ATP2B2: variants seen among roughly 807,000 people sequenced by gnomAD.
ATP2B2 encodes plasma membrane calcium-transporting ATPase 2.
A neutral mutation model predicts 120.0 loss-of-function variants in ATP2B2; 15 were observed. That is an observed-to-expected ratio of 0.12 (90% confidence interval 0.08 to 0.19). The LOEUF is 0.19. Ranked by LOEUF, ATP2B2 falls within the 10% of genes least tolerant of loss-of-function variation. The probability of loss-of-function intolerance (pLI) is 1.00; values close to 1 mark genes in which losing one functional copy is unlikely to be tolerated. For missense variants in ATP2B2, 1,045 were observed against 1,719.8 expected, an observed-to-expected ratio of 0.61 and a Z score of 6.94; for synonymous variants, 694 against 700.3, an observed-to-expected ratio of 0.99 and a Z score of 0.14.
At chr3:10,461,299 G>A (rs911891693) in intron 1 of ATP2B2, among the ~76,000 whole-genome samples, 1 of 152,184 alleles carries the variant, frequency 6.6e-6, no homozygotes, top group Non-Finnish European at 1.5e-5. Context: ...TTCCACACTT[G>A]AGCCCTGGTT....
rs142245011 is a variant in ATP2B2 at position 10,351,721 on chromosome 3, C to T, written c.2137-1144G>A. 7.9e-4 allele frequency among the ~76,000 whole-genome samples: 121 copies of T among 152,336 alleles called. 1 individual carries two copies. Among genetic ancestry groups the T allele is most frequent in the African/African-American group, 2.9e-3 (119 of 41,576 alleles). Reference sequence around the variant, plus strand: ...GCTAAAATGAGCGCATCACGGTAAGCCCTAATCCAACAGGAATGGTGTCCT... The same window carrying T: ...GCTAAAATGAGCGCATCACGGTAAGTCCTAATCCAACAGGAATGGTGTCCT... On this transcript the variant is annotated intron_variant, in intron 14 of 22. Transcript: ENST00000360273.
intron 2 of ATP2B2, among the ~76,000 whole-genome samples, chr3:10,585,055 C>T (rs973375017): frequency 6.6e-6 from 1 of 152,138 alleles, no homozygotes; most frequent in Admixed American, 6.5e-5. Flanking sequence ...CTGCCATCAC[C>T]TCTGGTCTGG....
chr3:10,577,395 G>C (rs1251241745), intron 2 of ATP2B2, among the ~76,000 whole-genome samples: 1 of 152,210 alleles, frequency 6.6e-6, no homozygotes, highest in African/African-American at 2.4e-5. Context: ...AACTTTCCCA[G>C]TGTCACCCGG....
At chr3:10,356,754 G>A (rs2060743351) in intron 14 of ATP2B2, among the ~76,000 whole-genome samples, 1 of 152,218 alleles carries the variant, frequency 6.6e-6, no homozygotes, top group African/African-American at 2.4e-5. Context: ...ACATCACAGT[G>A]AGGCCTGAAC....
At chr3:10,527,945 G>T (rs1421033413) in intron 3 of ATP2B2, among the ~76,000 whole-genome samples, 1 of 151,778 alleles carries the variant, frequency 6.6e-6, no homozygotes, top group Non-Finnish European at 1.5e-5. Flanking sequence ...CTGAGGATCG[G>T]TGAGGAGGGA....
In ATP2B2 at chr3:10,425,705, C is replaced by A. The variant is rs370190981; in HGVS notation, c.200-14890G>T. 1.9e-4 allele frequency among the ~76,000 whole-genome samples: 29 copies of A among 152,290 alleles called. No individual in the cohort carries two copies. In the South Asian group the frequency reaches 6.0e-3, roughly 32 times the overall value. On this transcript the variant is annotated intron_variant, in intron 2 of 22. Coordinates refer to ENST00000360273, the MANE Select transcript of ATP2B2 (RefSeq NM_001001331.4). ...CTCCTGTACCTGTTACACCATCCAG[C>A]AAAATTCAAGAAAAACATCTCAGAT... is the stretch of plus-strand genomic sequence containing the variant.
At chr3:10,552,278 GA>G (rs2067686506) in intron 2 of ATP2B2, among the ~76,000 whole-genome samples, 1 of 152,264 alleles carries the variant, frequency 6.6e-6, no homozygotes, top group South Asian at 2.1e-4. Context: ...AAAAGGGGAA[GA>G]GGGGGCCCTT....
At chr3:10,704,472 T>C (rs2071867782) in intron 1 of ATP2B2, among the ~76,000 whole-genome samples, 1 of 152,212 alleles carries the variant, frequency 6.6e-6, no homozygotes, top group Non-Finnish European at 1.5e-5. Context: ...TAGCCCCCTG[T>C]TCAAAAACTG....
At chr3:10,588,243 C>T (rs2068560017) in intron 2 of ATP2B2, among the ~76,000 whole-genome samples, 2 of 152,210 alleles carry the variant, frequency 1.3e-5, no homozygotes, top group Admixed American at 6.5e-5. Context: ...AGCAGCACCT[C>T]TCTAGTCATG....
In ATP2B2 at chr3:10,554,166, C is replaced by G. The variant is rs1444172825; in HGVS notation, c.-414-20033G>C. 2.6e-5 allele frequency among the ~76,000 whole-genome samples: 4 copies of G among 152,140 alleles called. No homozygotes were observed. In the East Asian group the frequency reaches 7.7e-4, roughly 29 times the overall value. On this transcript the variant is annotated intron_variant, in intron 2 of 21. Transcript: ENST00000646379. ...ATGGCGCTTGACCCTTTGTAACCCACCTGAACACTCATCCTCTCACTTTGT... is the reference window on the plus strand; with the variant it reads ...ATGGCGCTTGACCCTTTGTAACCCAGCTGAACACTCATCCTCTCACTTTGT...
intron 22 of ATP2B2, among the ~76,000 whole-genome samples, chr3:10,333,671 G>A (rs973929340): frequency 6.6e-6 from 1 of 152,180 alleles, no homozygotes; most frequent in Non-Finnish European, 1.5e-5. Flanking sequence ...GGTCTCAGGA[G>A]GCACCCAGAA....
At chr3:10,411,718 G>A (rs556162679) in intron 2 of ATP2B2, among the ~76,000 whole-genome samples, 14 of 152,336 alleles carry the variant, frequency 9.2e-5, no homozygotes, top group African/African-American at 3.1e-4. Flanking sequence ...CTGGAACAGA[G>A]CAGCTCACCA....
At chr3:10,527,568 A>C (rs1286505689) in intron 3 of ATP2B2, among the ~76,000 whole-genome samples, 1 of 151,770 alleles carries the variant, frequency 6.6e-6, no homozygotes, top group Non-Finnish European at 1.5e-5. Flanking sequence ...CTTGCCCTCC[A>C]CTCTCCCTCT....
chr3:10,590,194 T>A (rs76377907), intron 2 of ATP2B2, among the ~76,000 whole-genome samples: 4,951 of 152,252 alleles, frequency 0.033, 264 homozygotes, highest in African/African-American at 0.11. Context: ...TGATTTTTGA[T>A]ATGATTCAAT....
At chr3:10,560,268 T>C (rs186577128) in intron 2 of ATP2B2, among the ~76,000 whole-genome samples, 69 of 152,242 alleles carry the variant, frequency 4.5e-4, no homozygotes, top group African/African-American at 1.6e-3. Flanking sequence ...AGCTCCACAG[T>C]AGGAATGTTC....
intron 6 of ATP2B2, 85 bp from the exon 7 acceptor site, chr3:10,386,597 A>G: frequency 7.1e-7 from 1 of 1,405,262 alleles, no homozygotes; most frequent in South Asian, 1.2e-5. Context: ...ACACAAACAC[A>G]CATGTGCATA....
chr3:10,512,464 G>GCGCGCGCTCA, intron 3 of ATP2B2, among the ~76,000 whole-genome samples: 1 of 137,026 alleles, frequency 7.3e-6, no homozygotes, highest in South Asian at 2.3e-4. Flanking sequence ...AAGTGTGTGC[G>GCGCGCGCTCA]CACACACACA....
At chr3:10,508,433 C>T (rs2066691589), upstream of ATP2B2, among the ~76,000 whole-genome samples, 1 of 152,208 alleles carries the variant, frequency 6.6e-6, no homozygotes, top group South Asian at 2.1e-4. Flanking sequence ...GTGACCACAT[C>T]AGACATGTCT....
chr3:10,395,795 C>G (rs55945296), intron 5 of ATP2B2, among the ~76,000 whole-genome samples: 27,349 of 152,162 alleles, frequency 0.18, 4,695 homozygotes, highest in African/African-American at 0.44. Context: ...GCTCCTCTTG[C>G]AAAGTGAGCA....
Sources: gnomAD v4.1 joint callset for allele counts (sites outside exome capture counted in the v4.1 genomes callset) on GRCh38, gnomAD v4.1.1 for gene constraint, MANE v1.5 for transcripts, NCBI Gene and HGNC (gene_info 2026-07-23, HGNC 2026-07-21) for gene names.